Variants in KDM4C observed in about 807,000 individuals in gnomAD.
KDM4C encodes lysine demethylase 4C.
In KDM4C, 81 loss-of-function variants were observed where a neutral mutation model predicts 129.3. The ratio of observed to expected loss-of-function variants is 0.63; its 90% confidence interval spans 0.52 to 0.75. The LOEUF (loss-of-function observed/expected upper bound fraction) is 0.75. KDM4C is among the 30% of genes least tolerant of loss of function. The probability of loss-of-function intolerance (pLI) is 0.00; values close to 1 mark genes in which losing one functional copy is unlikely to be tolerated. For missense variants in KDM4C, 1,457 were observed against 1,304.0 expected (o/e 1.12, Z -1.81); for synonymous variants, 573 against 456.1 (o/e 1.26, Z -3.26).
At chr9:6,885,540 C>T (rs915255305) in intron 6 of KDM4C, among the ~76,000 whole-genome samples, 1 of 151,466 alleles carries the variant, frequency 6.6e-6, no homozygotes, top group African/African-American at 2.4e-5. Flanking sequence ...TTCCATCCCT[C>T]TAACTTATTA....
chr9:6,819,981 C>T (rs1391839648), intron 4 of KDM4C, among the ~76,000 whole-genome samples: 3 of 151,472 alleles, frequency 2.0e-5, no homozygotes, highest in Non-Finnish European at 2.9e-5. Flanking sequence ...AGCTATTTAC[C>T]TTAATCTTAA....
At position 6,986,655 on chromosome 9, in the gene KDM4C, A is replaced by G; in HGVS notation, c.1666A>G (p.Lys556Glu). 6.2e-7 allele frequency: 1 copy of G among 1,606,022 alleles called. No homozygotes were observed. ...AVPSGERNSF[K>E]VPSIAEGENK... is the part of the protein sequence containing the mutation. ...CCCCAGTGGAGAGAGAAATAGCTTC[A>G]AAGTCCCCAGTGTATGTGGCAATAT... Residue 556 changes from lysine (K) to glutamate (E), a missense_variant, in exon 11 of 22, where the codon AAA becomes GAA. By Grantham distance (56) the Lys-to-Glu change is moderately conservative. Transcript: ENST00000381309.
chr9:7,117,826 A>C (rs756986618), intron 18 of KDM4C, among the ~76,000 whole-genome samples: 2 of 152,170 alleles, frequency 1.3e-5, no homozygotes, highest in Non-Finnish European at 2.9e-5. Context: ...AACAGTAATG[A>C]AATTGGATGT....
At chr9:7,117,058 C>T (rs1311427150) in intron 18 of KDM4C, among the ~76,000 whole-genome samples, 1 of 152,020 alleles carries the variant, frequency 6.6e-6, no homozygotes, top group Non-Finnish European at 1.5e-5. Context: ...TGATTATACC[C>T]ATGTGACAGG....
intron 19 of KDM4C, among the ~76,000 whole-genome samples, chr9:7,153,307 TTAAC>T (rs1842879865): frequency 6.6e-6 from 1 of 152,190 alleles, no homozygotes; most frequent in African/African-American, 2.4e-5. Context: ...TATGACATGT[TTAAC>T]AAGCAGTCCA....
At chr9:7,129,552 A>C (rs1222653374) in intron 19 of KDM4C, among the ~76,000 whole-genome samples, 1 of 152,132 alleles carries the variant, frequency 6.6e-6, no homozygotes, top group Non-Finnish European at 1.5e-5. Context: ...CTCAATCTGC[A>C]TTCACTGAAT....
chr9:6,851,978 A>G (rs1312665734), intron 5 of KDM4C, among the ~76,000 whole-genome samples: 1 of 152,206 alleles, frequency 6.6e-6, no homozygotes. Context: ...GAGTAGATTT[A>G]TACTGTCACT....
At chr9:6,845,288 C>A (rs144196626) in intron 4 of KDM4C, among the ~76,000 whole-genome samples, 1,872 of 152,298 alleles carry the variant, frequency 0.012, 25 homozygotes, top group Middle Eastern at 0.051. Context: ...ATCACTGGCT[C>A]ACTCTAGCCT....
At chr9:7,057,943 G>A (rs1831092386) in intron 17 of KDM4C, among the ~76,000 whole-genome samples, 1 of 152,202 alleles carries the variant, frequency 6.6e-6, no homozygotes, top group Non-Finnish European at 1.5e-5. Context: ...TGTTCAGGAC[G>A]GTTTTGCTAA....
intron 6 of KDM4C, among the ~76,000 whole-genome samples, chr9:6,886,580 C>T (rs1358967483): frequency 6.6e-6 from 1 of 151,504 alleles, no homozygotes; most frequent in Non-Finnish European, 1.5e-5. Context: ...CAACCTCTAC[C>T]TCCCGGGTTC....
intron 3 of KDM4C, among the ~76,000 whole-genome samples, chr9:6,808,425 G>T (rs2131066987): frequency 9.4e-6 from 1 of 106,732 alleles, no homozygotes; most frequent in Admixed American, 1.0e-4. Flanking sequence ...AACATGTGCT[G>T]TGTCCACTCA....
At position 7,014,011 on chromosome 9, in the gene KDM4C, T is replaced by A. The variant is rs192707806; in HGVS notation, c.2182+10T>A. Reference sequence around the variant, plus strand: ...GTACGGGTTCATGCAAGTAAATGGATCTATAATTCATCAATCACTGGCTTT... The same window carrying A: ...GTACGGGTTCATGCAAGTAAATGGAACTATAATTCATCAATCACTGGCTTT... On this transcript the variant is annotated intron_variant, in intron 14 of 21. Coordinates refer to ENST00000381309, the MANE Select transcript of KDM4C (RefSeq NM_015061.6). The A allele has an allele frequency of 1.9e-6, 3 of 1,597,394 alleles. No individual in the cohort carries two copies. The Admixed American group carries it at 5.2e-5, about 28-fold the overall frequency.
intron 2 of KDM4C, among the ~76,000 whole-genome samples, chr9:6,799,458 T>C (rs982728431): frequency 6.6e-6 from 1 of 152,074 alleles, no homozygotes; most frequent in Non-Finnish European, 1.5e-5. Flanking sequence ...GCAGGCACTC[T>C]GCAGGCTGAG....
intron 3 of KDM4C, among the ~76,000 whole-genome samples, chr9:6,813,590 T>C (rs1223781812): frequency 1.3e-5 from 2 of 152,230 alleles, no homozygotes; most frequent in Non-Finnish European, 2.9e-5. Flanking sequence ...AATACCTTTT[T>C]AACTTTGCTT....
At chr9:6,781,529 C>G (rs1317805245) in intron 1 of KDM4C, among the ~76,000 whole-genome samples, 14 of 152,044 alleles carry the variant, frequency 9.2e-5, no homozygotes. Context: ...TAGCCATAAA[C>G]CATGGTATTC....
chr9:7,032,378 C>T (rs1826924423), intron 15 of KDM4C, among the ~76,000 whole-genome samples: 2 of 152,144 alleles, frequency 1.3e-5, no homozygotes, highest in South Asian at 4.1e-4. Context: ...TACCCCTGTC[C>T]AACCTCCCAA....
intron 8 of KDM4C, among the ~76,000 whole-genome samples, chr9:6,957,464 C>T (rs1829266019): frequency 6.6e-6 from 1 of 152,068 alleles, no homozygotes; most frequent in Non-Finnish European, 1.5e-5. Flanking sequence ...TGCCTTTTGG[C>T]CACTTTTAGA....
chr9:7,076,505 A>T, intron 17 of KDM4C: 1 of 1,548,732 alleles, frequency 6.5e-7, no homozygotes, highest in Admixed American at 2.0e-5. Flanking sequence ...CTGTGAAAAC[A>T]TCAATTCATT....
At chr9:7,021,775 T>C (rs1421816162) in intron 15 of KDM4C, among the ~76,000 whole-genome samples, 2 of 152,212 alleles carry the variant, frequency 1.3e-5, no homozygotes, top group Admixed American at 6.5e-5. Flanking sequence ...TGTTAGTAGT[T>C]TCATAGTTTC....
Sources: gnomAD v4.1 joint callset for allele counts (sites outside exome capture counted in the v4.1 genomes callset) on GRCh38, gnomAD v4.1.1 for gene constraint, MANE v1.5 for transcripts, NCBI Gene and HGNC (gene_info 2026-07-23, HGNC 2026-07-21) for gene names.